Variants in ZRANB3 observed in about 807,000 individuals in gnomAD.
The protein encoded by ZRANB3 is DNA annealing helicase and endonuclease ZRANB3.
In ZRANB3, 125 loss-of-function variants were observed where a neutral mutation model predicts 133.8. That is an observed-to-expected ratio of 0.93 (90% CI 0.81 to 1.08). ZRANB3 has a LOEUF of 1.08. Among genes scored for constraint, ZRANB3 ranks in the 50% least tolerant of loss-of-function variants. The pLI is 0.00. For synonymous variants in ZRANB3, 387 were observed against 432.7 expected, an observed-to-expected ratio of 0.89 and a Z score of 1.31; for missense variants, 1,229 against 1,275.5, an observed-to-expected ratio of 0.96 and a Z score of 0.56.
At chr2:135,369,240 T>G (rs983793580) in intron 3 of ZRANB3, among the ~76,000 whole-genome samples, 3 of 151,068 alleles carry the variant, frequency 2.0e-5, no homozygotes, top group African/African-American at 7.3e-5. Context: ...AAAAAAAAAA[T>G]GGAATGCCTG....
At chr2:135,515,533 C>T (rs563451727) in intron 1 of ZRANB3, among the ~76,000 whole-genome samples, 16 of 152,282 alleles carry the variant, frequency 1.1e-4, no homozygotes, top group Admixed American at 2.6e-4. Flanking sequence ...GCCTTCATTT[C>T]GTTATTTACC....
At chr2:135,383,097 C>G (rs1686798580) in intron 3 of ZRANB3, among the ~76,000 whole-genome samples, 2 of 152,070 alleles carry the variant, frequency 1.3e-5, no homozygotes, top group African/African-American at 4.8e-5. Context: ...ATTCAGGAAG[C>G]CCATCTCAGT....
chr2:135,383,816 C>T (rs908175477), intron 3 of ZRANB3, among the ~76,000 whole-genome samples: 39 of 152,002 alleles, frequency 2.6e-4, no homozygotes, highest in Non-Finnish European at 4.4e-5. Context: ...ACACAACATA[C>T]CAGAATCTTT....
At chr2:135,380,712 G>A (rs973312615) in intron 3 of ZRANB3, among the ~76,000 whole-genome samples, 10 of 152,156 alleles carry the variant, frequency 6.6e-5, no homozygotes, top group Non-Finnish European at 1.3e-4. Flanking sequence ...GAGAAAGCAG[G>A]AAAGATCTAA....
chr2:135,389,904 G>A (rs1322012931), intron 3 of ZRANB3, among the ~76,000 whole-genome samples: 8 of 118,594 alleles, frequency 6.7e-5, no homozygotes, highest in Non-Finnish European at 1.3e-4. Context: ...TTTTTGAGAC[G>A]GAGTCTCACT....
chr2:135,375,413 C>T (rs1234565192), intron 3 of ZRANB3, among the ~76,000 whole-genome samples: 2 of 151,856 alleles, frequency 1.3e-5, no homozygotes, highest in East Asian at 1.9e-4. Flanking sequence ...TGGCCGGGCA[C>T]GGTGGCTCAC....
intron 3 of ZRANB3, among the ~76,000 whole-genome samples, chr2:135,372,950 C>T (rs1281333473): frequency 6.6e-6 from 1 of 151,256 alleles, no homozygotes; most frequent in Non-Finnish European, 1.5e-5. Context: ...GATGTGGTGA[C>T]ATACACCTGT....
intron 3 of ZRANB3, among the ~76,000 whole-genome samples, chr2:135,355,453 C>A (rs1277796470): frequency 9.2e-5 from 14 of 152,124 alleles, no homozygotes; most frequent in Non-Finnish European, 1.3e-4. Flanking sequence ...CCTCCACCTC[C>A]CAGGTTCAAG....
At chr2:135,297,890 T>C (rs535856926) in intron 8 of ZRANB3, among the ~76,000 whole-genome samples, 37 of 152,316 alleles carry the variant, frequency 2.4e-4, no homozygotes, top group South Asian at 2.1e-4. Flanking sequence ...TTCTTTACGA[T>C]ATCTATTTCT....
chr2:135,250,747 C>T (rs1203562336), intron 12 of ZRANB3, among the ~76,000 whole-genome samples: 2 of 152,222 alleles, frequency 1.3e-5, no homozygotes, highest in Non-Finnish European at 2.9e-5. Context: ...TTGGGAACCT[C>T]CGCCTGGATT....
intron 2 of ZRANB3, among the ~76,000 whole-genome samples, chr2:135,498,930 T>C (rs1692811070): frequency 6.6e-6 from 1 of 152,208 alleles, no homozygotes; most frequent in African/African-American, 2.4e-5. Context: ...TGACAATGCG[T>C]GCCTGAAACT....
chr2:135,273,505 G>A (rs578001375), intron 9 of ZRANB3, among the ~76,000 whole-genome samples: 2 of 151,900 alleles, frequency 1.3e-5, no homozygotes, highest in South Asian at 2.1e-4. Context: ...GAAAAGTTGG[G>A]GAAAAATTCA....
At chr2:135,379,683 C>G (rs1222093016) in intron 3 of ZRANB3, among the ~76,000 whole-genome samples, 2 of 152,110 alleles carry the variant, frequency 1.3e-5, no homozygotes, top group African/African-American at 4.8e-5. Context: ...AAAGAATCAA[C>G]CGGTACCAGT....
At chr2:135,283,946 C>T (rs920619699) in intron 8 of ZRANB3, among the ~76,000 whole-genome samples, 2 of 152,102 alleles carry the variant, frequency 1.3e-5, no homozygotes, top group African/African-American at 4.8e-5. Context: ...CACACCACTG[C>T]ACTCCAGCCT....
rs757233401 is a variant in ZRANB3, at chr2:135,504,423, C to T, written c.67G>A (p.Asp23Asn). 1.9e-6 allele frequency: 3 copies of T among 1,613,484 alleles called. No homozygotes were observed. The East Asian group carries it at 6.7e-5, about 36-fold the overall frequency. The change falls in exon 2 of 21, where the codon GAT (aspartate) becomes AAT (asparagine). Residue 23 changes from aspartate (D) to asparagine (N), a missense_variant. Asp to Asn is a conservative substitution (Grantham distance 23, BLOSUM62 1). Transcript: ENST00000264159. ...TCAGGCAAAAAATCCAGCAGATTATCAGATTCATTTGTCACACAAGAAATG... is the reference window on the plus strand; with the variant it reads ...TCAGGCAAAAAATCCAGCAGATTATTAGATTCATTTGTCACACAAGAAATG... ...PHISCVTNES[D>N]NLLDFLPDRL... is the part of the protein sequence containing the mutation.
intron 9 of ZRANB3, among the ~76,000 whole-genome samples, chr2:135,272,626 G>A (rs925087227): frequency 8.6e-5 from 13 of 151,800 alleles, no homozygotes; most frequent in South Asian, 8.3e-4. Context: ...TGTTAGCCAG[G>A]ATGGTCTCCA....
chr2:135,352,261 T>C (rs1685239744), intron 4 of ZRANB3, among the ~76,000 whole-genome samples: 1 of 150,874 alleles, frequency 6.6e-6, no homozygotes, highest in Non-Finnish European at 1.5e-5. Context: ...GAACCCAGGA[T>C]GCAGAGGTTG....
chr2:135,411,564 C>T (rs1454700519), intron 2 of ZRANB3, among the ~76,000 whole-genome samples: 1 of 152,138 alleles, frequency 6.6e-6, no homozygotes, highest in African/African-American at 2.4e-5. Context: ...AGTATATATA[C>T]ACCATGGAAT....
chr2:135,489,319 G>A (rs189517643), intron 2 of ZRANB3, among the ~76,000 whole-genome samples: 1 of 94,276 alleles, frequency 1.1e-5, no homozygotes. Flanking sequence ...GGGGTGGGGG[G>A]AGGGGGGAGG....
Sources: gnomAD v4.1 joint callset for allele counts (sites outside exome capture counted in the v4.1 genomes callset) on GRCh38, gnomAD v4.1.1 for gene constraint, MANE v1.5 for transcripts, NCBI Gene and HGNC (gene_info 2026-07-23, HGNC 2026-07-21) for gene names.